Variants in LOC128706665 observed in about 807,000 individuals in gnomAD.
chr20:10,415,365 GA>G, the LOC128706665 span, among the ~76,000 whole-genome samples: 23 of 152,160 alleles, frequency 1.5e-4, no homozygotes, highest in African/African-American at 5.3e-4. Context: ...TTGATTTGAA[GA>G]TGTGCAAAGA....
the LOC128706665 span, among the ~76,000 whole-genome samples, chr20:10,423,566 C>T: frequency 2.0e-5 from 3 of 152,148 alleles, no homozygotes; most frequent in African/African-American, 7.2e-5. Context: ...TTGTACTATT[C>T]TCTCCAGCAA....
At chr20:10,433,550 T>C in the LOC128706665 span, among the ~76,000 whole-genome samples, 2 of 152,170 alleles carry the variant, frequency 1.3e-5, no homozygotes, top group African/African-American at 4.8e-5. Context: ...CAACAGGATT[T>C]GGGTATGGTC....
the LOC128706665 span, among the ~76,000 whole-genome samples, chr20:10,415,138 T>C: frequency 6.6e-6 from 1 of 152,204 alleles, no homozygotes; most frequent in Non-Finnish European, 1.5e-5. Context: ...TCCTGACACA[T>C]TAATAATAAT....
chr20:10,422,880 T>A, the LOC128706665 span, among the ~76,000 whole-genome samples: 1 of 151,674 alleles, frequency 6.6e-6, no homozygotes, highest in Non-Finnish European at 1.5e-5. Context: ...CCTGGCTAAT[T>A]TTTTGTATTT....
At chr20:10,428,407 C>A in the LOC128706665 span, among the ~76,000 whole-genome samples, 1 of 152,160 alleles carries the variant, frequency 6.6e-6, no homozygotes, top group Non-Finnish European at 1.5e-5. Context: ...CATTTCTACC[C>A]TTCATCATTT....
the LOC128706665 span, among the ~76,000 whole-genome samples, chr20:10,432,371 C>T: frequency 8.3e-4 from 127 of 152,336 alleles, no homozygotes; most frequent in African/African-American, 2.6e-3. Flanking sequence ...TCTCAGGAAA[C>T]CCAACCTAGG....
chr20:10,428,878 C>T, the LOC128706665 span, among the ~76,000 whole-genome samples: 2 of 152,144 alleles, frequency 1.3e-5, no homozygotes, highest in Admixed American at 6.5e-5. Flanking sequence ...TCCTTGCCTG[C>T]TGTCAGAAGA....
chr20:10,419,394 A>G, the LOC128706665 span, among the ~76,000 whole-genome samples: 5 of 152,140 alleles, frequency 3.3e-5, no homozygotes, highest in Non-Finnish European at 7.4e-5. Flanking sequence ...GTATAACGCT[A>G]TATTATAGTA....
At chr20:10,422,062 A>G in the LOC128706665 span, among the ~76,000 whole-genome samples, 1 of 152,188 alleles carries the variant, frequency 6.6e-6, no homozygotes, top group African/African-American at 2.4e-5. Context: ...TTTAAGACCA[A>G]AACACAATAG....
the LOC128706665 span, among the ~76,000 whole-genome samples, chr20:10,418,188 G>A: frequency 6.6e-6 from 1 of 152,216 alleles, no homozygotes; most frequent in African/African-American, 2.4e-5. Flanking sequence ...TGGAGCTTAA[G>A]ATTTGATTTA....
chr20:10,431,968 A>T, the LOC128706665 span: 3 of 152,032 alleles, frequency 2.0e-5, no homozygotes, highest in Admixed American at 2.0e-4. Flanking sequence ...TCAAAGCCCT[A>T]CCTTTGTGAT....
At chr20:10,427,028 T>TGACACACACACA in the LOC128706665 span, among the ~76,000 whole-genome samples, 1,328 of 61,420 alleles carry the variant, frequency 0.022, 21 homozygotes, top group African/African-American at 0.049. Flanking sequence ...AAGAAAACAC[T>TGACACACACACA]GACACACACA....
chr20:10,433,642 ACG>A, the LOC128706665 span, among the ~76,000 whole-genome samples: 7 of 152,086 alleles, frequency 4.6e-5, no homozygotes, highest in Admixed American at 4.6e-4. Context: ...GGCTGCTTTC[ACG>A]TAGCTGGCAG....
chr20:10,417,589 G>A, the LOC128706665 span, among the ~76,000 whole-genome samples: 1 of 152,090 alleles, frequency 6.6e-6, no homozygotes, highest in African/African-American at 2.4e-5. Flanking sequence ...TAGCCTGGGT[G>A]ACAAATCAAG....
chr20:10,420,908 A>C, the LOC128706665 span: 1 of 152,224 alleles, frequency 6.6e-6, no homozygotes, highest in Admixed American at 6.5e-5. Flanking sequence ...CAATGTTAAT[A>C]AACAAAAAGA....
At chr20:10,427,518 G>A in the LOC128706665 span, among the ~76,000 whole-genome samples, 1 of 152,058 alleles carries the variant, frequency 6.6e-6, no homozygotes, top group African/African-American at 2.4e-5. Flanking sequence ...TGACAATGTT[G>A]GCTTTAGGTA....
chr20:10,424,789 T>A, the LOC128706665 span, among the ~76,000 whole-genome samples: 1 of 152,156 alleles, frequency 6.6e-6, no homozygotes, highest in Non-Finnish European at 1.5e-5. Context: ...CGGTGGCTCA[T>A]GCCTGTAATC....
At chr20:10,416,408 C>T in the LOC128706665 span, among the ~76,000 whole-genome samples, 49 of 151,870 alleles carry the variant, frequency 3.2e-4, no homozygotes, top group Admixed American at 3.1e-3. Flanking sequence ...TGGGTCATAT[C>T]ACAAGGACAA....
At chr20:10,429,807 G>A in the LOC128706665 span, among the ~76,000 whole-genome samples, 3 of 152,064 alleles carry the variant, frequency 2.0e-5, no homozygotes, top group African/African-American at 7.2e-5. Context: ...TCAAACTGTG[G>A]TCCTCTCAAC....
Sources: gnomAD v4.1 joint callset for allele counts (sites outside exome capture counted in the v4.1 genomes callset) on GRCh38, gnomAD v4.1.1 for gene constraint, MANE v1.5 for transcripts.